The following VPS50 variants were observed in gnomAD, a reference collection of about 807,000 sequenced individuals.
The protein encoded by VPS50 is VPS50 subunit of EARP/GARPII complex, also known as syndetin.
Under a neutral mutation model 139.7 loss-of-function variants are expected in VPS50, and 70 were observed. The observed-to-expected ratio is 0.50, with a 90% CI of 0.41 to 0.61. The LOEUF is 0.61. Among genes scored for constraint, VPS50 ranks in the 20% least tolerant of loss-of-function variants. The pLI, the probability that VPS50 is intolerant of heterozygous loss-of-function variation, is 0.00. For synonymous variants in VPS50, 365 were observed against 376.7 expected (o/e 0.97, Z 0.36); for missense variants, 921 against 1,133.7 (o/e 0.81, Z 2.69).
At chr7:93,357,243 A>G (rs1475668606) in intron 27 of VPS50, among the ~76,000 whole-genome samples, 1 of 152,300 alleles carries the variant, frequency 6.6e-6, no homozygotes, top group Non-Finnish European at 1.5e-5. Context: ...GCACAGCTCT[A>G]TTCGATGCAA....
intron 12 of VPS50, among the ~76,000 whole-genome samples, chr7:93,277,083 G>T: frequency 6.6e-6 from 1 of 152,102 alleles, no homozygotes; most frequent in East Asian, 1.9e-4. Context: ...AGGTGAAAGG[G>T]TATAAATAAA....
chr7:93,308,054 G>A (rs1353175061), intron 18 of VPS50, among the ~76,000 whole-genome samples: 3 of 151,940 alleles, frequency 2.0e-5, no homozygotes, highest in East Asian at 1.9e-4. Context: ...TAAAAACTCA[G>A]TGTTAGCTAT....
chr7:93,285,385 A>G (rs1796453640), intron 12 of VPS50, among the ~76,000 whole-genome samples: 1 of 152,156 alleles, frequency 6.6e-6, no homozygotes, highest in Admixed American at 6.5e-5. Flanking sequence ...TTACTTTGAA[A>G]TTTTTGTAGG....
At chr7:93,249,900 G>A (rs890750372) in intron 2 of VPS50, among the ~76,000 whole-genome samples, 14 of 152,126 alleles carry the variant, frequency 9.2e-5, no homozygotes, top group African/African-American at 3.4e-4. Flanking sequence ...CCTTCCACAC[G>A]TGTGAGTTTT....
chr7:93,358,500 GTTT>G lies in VPS50; in HGVS notation c.*69_*71del. 1 of 1,372,250 alleles carries G rather than the reference GTTT, an allele frequency of 7.3e-7. No individual in the cohort carries two copies. The highest frequency in any genetic ancestry group is 1.0e-6 in the Non-Finnish European group (1 of 985,010). 85.0% of individuals were successfully genotyped at this position (1,372,250 alleles called of 1,614,324 possible). A position where few individuals can be genotyped will look rare whatever the true frequency, so the allele number is the denominator to read the frequency against. ...CTCAACATATATGACCTGAAAGCCA[GTTT>G]TTTTATGCACTTCTGACAACTATCT... On this transcript the variant is annotated 3_prime_UTR_variant, in exon 28 of 28. Transcript: ENST00000305866.
chr7:93,318,068 AATG>A (rs999290998), intron 20 of VPS50, among the ~76,000 whole-genome samples: 1 of 149,648 alleles, frequency 6.7e-6, no homozygotes, highest in African/African-American at 2.5e-5. Context: ...ATCATATAAT[AATG>A]ATATATTATA....
intron 21 of VPS50, among the ~76,000 whole-genome samples, chr7:93,326,743 C>T (rs1375852221): frequency 6.6e-6 from 1 of 151,974 alleles, no homozygotes; most frequent in East Asian, 1.9e-4. Context: ...TGTGTAAAAA[C>T]ATTCCATTGA....
intron 19 of VPS50, among the ~76,000 whole-genome samples, chr7:93,309,939 G>T (rs73219911): frequency 3.3e-5 from 5 of 151,830 alleles, no homozygotes; most frequent in South Asian, 2.1e-4. Flanking sequence ...TTGAAATCTC[G>T]ACTGAAATAA....
intron 1 of VPS50, among the ~76,000 whole-genome samples, chr7:93,238,624 A>G (rs1439458146): frequency 2.0e-5 from 3 of 152,168 alleles, no homozygotes; most frequent in African/African-American, 7.2e-5. Context: ...GAAAATGCAC[A>G]TTCCTGGCCC....
intron 9 of VPS50, among the ~76,000 whole-genome samples, chr7:93,267,763 TA>T (rs1795884102): frequency 1.3e-5 from 2 of 152,166 alleles, no homozygotes; most frequent in South Asian, 4.1e-4. Context: ...ATATTCAAGT[TA>T]TTGTGAGCAC....
intron 23 of VPS50, among the ~76,000 whole-genome samples, chr7:93,343,725 A>G (rs1649299303): frequency 6.6e-6 from 1 of 152,202 alleles, no homozygotes; most frequent in Admixed American, 6.5e-5. Context: ...TATCCAGCCA[A>G]ACTAAGCTTC....
chr7:93,315,014 C>G (rs1413713969), intron 20 of VPS50, among the ~76,000 whole-genome samples: 1 of 152,158 alleles, frequency 6.6e-6, no homozygotes, highest in East Asian at 1.9e-4. Flanking sequence ...AGTCTCCTTC[C>G]TCAGACAAAA....
intron 2 of VPS50, chr7:93,246,182 C>T (rs1018453203): frequency 3.1e-5 from 34 of 1,109,134 alleles, no homozygotes; most frequent in South Asian, 1.4e-4. Context: ...TTTATGTTGA[C>T]GAATGAAGAA....
intron 8 of VPS50, among the ~76,000 whole-genome samples, chr7:93,258,951 AG>A (rs1209342256): frequency 2.0e-5 from 3 of 152,174 alleles, no homozygotes; most frequent in East Asian, 3.9e-4. Context: ...AATTGAGCAT[AG>A]GGAAAAGTTT....
chr7:93,272,127 A>G (rs1191275960), intron 10 of VPS50, among the ~76,000 whole-genome samples: 1 of 151,826 alleles, frequency 6.6e-6, no homozygotes, highest in Admixed American at 6.6e-5. Flanking sequence ...TCTTATTTCA[A>G]AGTAAAATCA....
intron 12 of VPS50, among the ~76,000 whole-genome samples, chr7:93,279,061 TAAG>T (rs1023036127): frequency 3.3e-5 from 5 of 152,088 alleles, no homozygotes; most frequent in African/African-American, 1.2e-4. Context: ...GTTAACATAA[TAAG>T]GTGAAGATTG....
intron 13 of VPS50, among the ~76,000 whole-genome samples, chr7:93,292,779 CA>C (rs762803262): frequency 7.9e-5 from 12 of 151,500 alleles, no homozygotes; most frequent in Non-Finnish European, 1.6e-4. Flanking sequence ...ATATAGAAAA[CA>C]AAATAAGAGG....
chr7:93,241,652 C>G (rs1198444731), intron 2 of VPS50, among the ~76,000 whole-genome samples: 1 of 151,880 alleles, frequency 6.6e-6, no homozygotes, highest in Non-Finnish European at 1.5e-5. Flanking sequence ...ATGAGAGTTG[C>G]TGGGTCCAGA....
At chr7:93,259,694 T>A in intron 9 of VPS50, 62 bp downstream of exon 9, 1 of 828,574 alleles carries the variant, frequency 1.2e-6, no homozygotes, top group Non-Finnish European at 2.1e-6. Context: ...AGCAGCTGTG[T>A]AAAAATGTTA....
Sources: allele counts gnomAD v4.1 joint callset (sites outside exome capture counted in the v4.1 genomes callset), GRCh38; gene constraint gnomAD v4.1.1; transcripts MANE v1.5; gene names NCBI Gene and HGNC (gene_info 2026-07-23, HGNC 2026-07-21).